The following SPG11 variants were observed in gnomAD, a reference collection of about 807,000 sequenced individuals.
The protein encoded by SPG11 is SPG11 vesicle trafficking associated, spatacsin.
Under a neutral mutation model 274.0 loss-of-function variants are expected in SPG11, and 222 were observed. The ratio of observed to expected loss-of-function variants is 0.81; its 90% CI spans 0.73 to 0.91. The LOEUF is 0.91. Ranked by LOEUF, SPG11 falls within the 40% of genes least tolerant of loss-of-function variation. The pLI is 0.00. For missense variants in SPG11, 3,114 were observed against 2,872.7 expected, an observed-to-expected ratio of 1.08 and a Z score of -1.92; for synonymous variants, 1,144 against 1,039.7, an observed-to-expected ratio of 1.10 and a Z score of -1.93.
In SPG11 at chr15:44,611,053, G is replaced by A. The variant is rs532838719; in HGVS notation, c.3146-68C>T. On this transcript the variant is annotated intron_variant, in intron 17 of 39. Transcript: ENST00000261866. ...ATACTAAATTAAGGATTACATAAAT[G>A]TGAGAACAATAACATAAATTTTTAA... 120 of 785,398 alleles carry A rather than the reference G, an allele frequency of 1.5e-4. No individual in the cohort carries two copies. In the East Asian group the frequency reaches 1.8e-3, roughly 12 times the overall value. The allele number at this position is 785,398 out of a possible 1,614,324, so 48.7% of individuals were successfully genotyped here.
chr15:44,576,609 A>C (rs1315040087), intron 30 of SPG11, among the ~76,000 whole-genome samples: 3 of 151,828 alleles, frequency 2.0e-5, no homozygotes, highest in East Asian at 3.9e-4. Context: ...AGATTGCGCC[A>C]CTGCACTCCA....
Position 44,596,122 on chromosome 15 carries a change from T to C in SPG11, c.4395A>G (p.Gln1465=), listed in dbSNP as rs2083031000. The C allele has an allele frequency of 6.2e-7, 1 of 1,613,998 alleles. No individual in the cohort carries two copies. The highest frequency in any genetic ancestry group is 8.5e-7 in the Non-Finnish European group (1 of 1,180,024). Residue 1465 remains glutamine, a synonymous_variant, in exon 25 of 40, where the codon CAA becomes CAG. Coordinates refer to ENST00000261866, the MANE Select transcript of SPG11 (RefSeq NM_025137.4). ...WHWLLVEAVK[Q]QAPILSVLAS... is the part of the protein sequence containing the mutation. ...CCAGAACACTGAGGATAGGGGCCTG[T>C]TGTTTCACTGCTTCAACCAGAAGCC...
chr15:44,577,025 A>AC (rs1258881831), intron 30 of SPG11, among the ~76,000 whole-genome samples: 1 of 151,956 alleles, frequency 6.6e-6, no homozygotes, highest in East Asian at 2.0e-4. Flanking sequence ...ATGAAGTTTC[A>AC]CCATGTTGGC....
chr15:44,581,286 AG>A lies in SPG11; in HGVS notation c.5866+2527del, dbSNP rs529829901. On this transcript the variant is annotated intron_variant, in intron 30 of 39. Coordinates refer to ENST00000261866, the MANE Select transcript of SPG11 (RefSeq NM_025137.4). ...CAGTGGCATGAACATGGCTCACTGC[AG>A]CCTTATCCTCCTGGGCTCAAGCGAT... 4.4e-3 allele frequency among the ~76,000 whole-genome samples: 672 copies of A among 152,174 alleles called. 3 individuals carry two copies. The highest frequency in any genetic ancestry group is 0.015 in the African/African-American group (639 of 41,504).
At chr15:44,583,705 T>C in intron 30 of SPG11, 109 bp downstream of exon 30, 3 of 1,459,024 alleles carry the variant, frequency 2.1e-6, no homozygotes, top group Middle Eastern at 2.0e-4. Context: ...AAAAAGTTGT[T>C]GTCCCCTTAA....
At chr15:44,575,219 G>T in intron 30 of SPG11, 178 bp from the exon 31 acceptor site, 1 of 695,586 alleles carries the variant, frequency 1.4e-6, no homozygotes, top group Non-Finnish European at 2.4e-6. Context: ...CCCTCTTCCA[G>T]GAAATCCCAC....
chr15:44,620,880 G>T (rs1307593036), intron 14 of SPG11: 1 of 159,798 alleles, frequency 6.3e-6, no homozygotes, highest in African/African-American at 2.4e-5. Flanking sequence ...TGTATTTTTA[G>T]TAGAGGCGGG....
At chr15:44,645,422 T>C (rs1432221224) in intron 7 of SPG11, among the ~76,000 whole-genome samples, 1 of 152,160 alleles carries the variant, frequency 6.6e-6, no homozygotes, top group East Asian at 1.9e-4. Flanking sequence ...CATATGCAGA[T>C]GATTGAAACT....
At chr15:44,613,193 G>C (rs919924116) in intron 17 of SPG11, among the ~76,000 whole-genome samples, 6 of 152,176 alleles carry the variant, frequency 3.9e-5, no homozygotes, top group African/African-American at 1.4e-4. Context: ...GATGCTAAGG[G>C]GAAGGGGACA....
In SPG11 at chr15:44,653,448, G is replaced by A. The variant is rs562042052; in HGVS notation, c.870-1182C>T. On this transcript the variant is annotated intron_variant, in intron 4 of 39. Coordinates refer to ENST00000261866, the MANE Select transcript of SPG11 (RefSeq NM_025137.4). Reference sequence around the variant, plus strand: ...AGTTCCCCCATCAACAAAATAAAAGGTAGATACCCCTGCCCCAGATGTTAA... The same window carrying A: ...AGTTCCCCCATCAACAAAATAAAAGATAGATACCCCTGCCCCAGATGTTAA... Among the ~76,000 whole-genome samples, 4 of 152,164 alleles carry A rather than the reference G, an allele frequency of 2.6e-5. No individual in the cohort carries two copies. In the South Asian group the frequency reaches 8.3e-4, roughly 32 times the overall value.
At chr15:44,614,497 T>C (rs1433527684) in intron 16 of SPG11, among the ~76,000 whole-genome samples, 3 of 152,184 alleles carry the variant, frequency 2.0e-5, no homozygotes, top group Non-Finnish European at 4.4e-5. Context: ...GTGCTGGGAT[T>C]AGAGATGTGA....
At chr15:44,597,835 T>A (rs1029860527) in intron 23 of SPG11, among the ~76,000 whole-genome samples, 8 of 152,202 alleles carry the variant, frequency 5.3e-5, no homozygotes, top group East Asian at 1.9e-4. Flanking sequence ...TCAACTGACA[T>A]AATAAAATGA....
At chr15:44,624,240 C>A (rs951196511) in intron 11 of SPG11, among the ~76,000 whole-genome samples, 1 of 151,008 alleles carries the variant, frequency 6.6e-6, no homozygotes, top group Non-Finnish European at 1.5e-5. Flanking sequence ...ATAATCTCTG[C>A]ACTTTGGGAG....
At chr15:44,602,620 A>C (rs1197026789) in intron 20 of SPG11, among the ~76,000 whole-genome samples, 17 of 151,888 alleles carry the variant, frequency 1.1e-4, no homozygotes, top group Admixed American at 1.1e-3. Flanking sequence ...GTGGGACTAC[A>C]GGCGCCTGCC....
intron 15 of SPG11, among the ~76,000 whole-genome samples, chr15:44,617,466 T>C (rs2083618093): frequency 6.6e-6 from 1 of 152,176 alleles, no homozygotes; most frequent in Non-Finnish European, 1.5e-5. Context: ...CTAGCCCCAT[T>C]GTCAAAAAGA....
chr15:44,625,373 A>G (rs575969950), intron 11 of SPG11, among the ~76,000 whole-genome samples: 9 of 152,082 alleles, frequency 5.9e-5, no homozygotes, highest in Admixed American at 2.0e-4. Context: ...GTAACCCCCA[A>G]TGTTGGAGGA....
At chr15:44,574,770 C>T in intron 31 of SPG11, 132 bp downstream of exon 31, 1 of 1,137,706 alleles carries the variant, frequency 8.8e-7, no homozygotes, top group Non-Finnish European at 1.3e-6. Flanking sequence ...TGAGGGCCAA[C>T]ATCCTGATAA....
intron 10 of SPG11, among the ~76,000 whole-genome samples, chr15:44,626,895 G>A (rs147364792): frequency 2.0e-5 from 3 of 152,034 alleles, no homozygotes; most frequent in African/African-American, 2.4e-5. Flanking sequence ...TAAGTGTTCC[G>A]TAGATATACT....
chr15:44,636,935 A>AAAAC (rs2084281533), intron 7 of SPG11, among the ~76,000 whole-genome samples: 7 of 119,260 alleles, frequency 5.9e-5, no homozygotes, highest in Admixed American at 1.6e-4. Context: ...CAAAAAAAAA[A>AAAAC]AAAAAAAAAA....
Sources: gnomAD v4.1 joint callset for allele counts (sites outside exome capture counted in the v4.1 genomes callset) on GRCh38, gnomAD v4.1.1 for gene constraint, MANE v1.5 for transcripts, NCBI Gene and HGNC (gene_info 2026-07-23, HGNC 2026-07-21) for gene names.